The following ANKFN1 variants were observed in gnomAD, a reference collection of about 807,000 sequenced individuals.
ANKFN1 encodes the protein ankyrin repeat and fibronectin type III domain containing 1, also known as ankyrin repeat and fibronectin type-III domain-containing protein 1.
ANKFN1 carries 74 observed loss-of-function variants against 108.7 expected under a neutral mutation model. That is an observed-to-expected ratio of 0.68 (90% CI 0.56 to 0.83). The LOEUF (loss-of-function observed/expected upper bound fraction) is 0.83. Ranked by LOEUF, ANKFN1 falls within the 40% of genes least tolerant of loss-of-function variation. The pLI, the probability that ANKFN1 is intolerant of heterozygous loss-of-function variation, is 0.00. For missense variants in ANKFN1, 1,505 were observed against 1,382.3 expected (o/e 1.09, Z -1.41); for synonymous variants, 547 against 516.2 (o/e 1.06, Z -0.81).
chr17:56,124,343 A>G (rs919295912), intron 4 of ANKFN1, among the ~76,000 whole-genome samples: 2 of 152,238 alleles, frequency 1.3e-5, no homozygotes, highest in Non-Finnish European at 2.9e-5. Flanking sequence ...GGTTCAGTCC[A>G]TGTGTGATGG....
chr17:56,052,495 T>G (rs1464166610), intron 4 of ANKFN1, among the ~76,000 whole-genome samples: 1 of 152,202 alleles, frequency 6.6e-6, no homozygotes, highest in Non-Finnish European at 1.5e-5. Flanking sequence ...ATGGTAGTAT[T>G]TAAGAAAGAC....
At chr17:56,424,293 C>T (rs187508183) in intron 8 of ANKFN1, among the ~76,000 whole-genome samples, 14 of 152,276 alleles carry the variant, frequency 9.2e-5, no homozygotes, top group Non-Finnish European at 1.3e-4. Context: ...CTGCTGTTTT[C>T]GTCACTTTTG....
intron 1 of ANKFN1, among the ~76,000 whole-genome samples, chr17:56,160,054 G>T (rs925912112): frequency 1.3e-5 from 2 of 152,128 alleles, no homozygotes; most frequent in Non-Finnish European, 2.9e-5. Context: ...CTTTGTCAAG[G>T]TACAGTCTGC....
chr17:56,187,394 T>G (rs1206537119), intron 1 of ANKFN1, among the ~76,000 whole-genome samples: 4 of 152,194 alleles, frequency 2.6e-5, no homozygotes, highest in African/African-American at 9.7e-5. Flanking sequence ...AGATACCATC[T>G]CATACCAGTT....
chr17:56,494,747 C>G (rs2051145124), intron 19 of ANKFN1, among the ~76,000 whole-genome samples: 1 of 152,072 alleles, frequency 6.6e-6, no homozygotes, highest in Non-Finnish European at 1.5e-5. Flanking sequence ...CGTTTTATGA[C>G]TTAACAACCA....
chr17:56,343,185 A>G (rs1316364829), intron 4 of ANKFN1, among the ~76,000 whole-genome samples: 3 of 151,372 alleles, frequency 2.0e-5, no homozygotes, highest in African/African-American at 7.3e-5. Flanking sequence ...TTGAGTCTAT[A>G]TGTGTCATTG....
chr17:56,494,095 A>T (rs1244818953), intron 19 of ANKFN1, among the ~76,000 whole-genome samples: 1 of 152,174 alleles, frequency 6.6e-6, no homozygotes, highest in Admixed American at 6.5e-5. Flanking sequence ...TTGACATATG[A>T]ATATGTGAGA....
intron 4 of ANKFN1, among the ~76,000 whole-genome samples, chr17:56,068,383 T>G (rs1905084879): frequency 6.6e-6 from 1 of 151,708 alleles, no homozygotes; most frequent in Non-Finnish European, 1.5e-5. Flanking sequence ...AAGGAAGGAG[T>G]TGCTGGGACA....
At chr17:56,274,310 A>T (rs187835391) in intron 3 of ANKFN1, among the ~76,000 whole-genome samples, 2,954 of 152,158 alleles carry the variant, frequency 0.019, 84 homozygotes, top group African/African-American at 0.067. Flanking sequence ...CGTCTCTAGT[A>T]AAAATACAAA....
At chr17:56,204,454 T>C (rs1420076066) in intron 1 of ANKFN1, among the ~76,000 whole-genome samples, 3 of 150,670 alleles carry the variant, frequency 2.0e-5, no homozygotes, top group Non-Finnish European at 3.0e-5. Context: ...AATTCTCCTG[T>C]CTCAGCCTCC....
At chr17:56,447,986 A>G (rs964813418) in intron 10 of ANKFN1, among the ~76,000 whole-genome samples, 6 of 152,192 alleles carry the variant, frequency 3.9e-5, no homozygotes, top group Admixed American at 3.9e-4. Flanking sequence ...ATGCTTTTAT[A>G]TAACTTTAAC....
At chr17:56,161,254 G>T (rs951450555) in intron 1 of ANKFN1, among the ~76,000 whole-genome samples, 2 of 152,132 alleles carry the variant, frequency 1.3e-5, no homozygotes, top group Non-Finnish European at 2.9e-5. Flanking sequence ...TATCATTAGG[G>T]TTAACAGGAT....
chr17:56,346,070 A>T (rs1408613037), intron 4 of ANKFN1, among the ~76,000 whole-genome samples: 1 of 151,916 alleles, frequency 6.6e-6, no homozygotes, highest in African/African-American at 2.4e-5. Flanking sequence ...TTTGTATAAG[A>T]TGTGATGAAG....
chr17:56,162,939 G>A (rs888131364), intron 1 of ANKFN1, among the ~76,000 whole-genome samples: 1 of 151,870 alleles, frequency 6.6e-6, no homozygotes, highest in Non-Finnish European at 1.5e-5. Flanking sequence ...CGAAGCTGAG[G>A]CAGGAGAAGA....
intron 1 of ANKFN1, among the ~76,000 whole-genome samples, chr17:56,187,957 G>A (rs922945029): frequency 1.3e-5 from 2 of 152,110 alleles, no homozygotes; most frequent in Admixed American, 1.3e-4. Context: ...GGGAGGGCTA[G>A]CATTAGGAGA....
chr17:56,387,409 A>G (rs1455694663), intron 8 of ANKFN1, among the ~76,000 whole-genome samples: 2 of 152,324 alleles, frequency 1.3e-5, no homozygotes, highest in East Asian at 3.9e-4. Context: ...TGTTAATCCA[A>G]GAGTTTTTCA....
intron 4 of ANKFN1, among the ~76,000 whole-genome samples, chr17:56,327,269 C>T (rs1326693068): frequency 1.3e-5 from 2 of 152,146 alleles, no homozygotes; most frequent in South Asian, 2.1e-4. Context: ...CCGCCCCCAC[C>T]AGTCTCCTTA....
intron 4 of ANKFN1, among the ~76,000 whole-genome samples, chr17:56,333,038 A>G (rs982249787): frequency 1.5e-4 from 22 of 151,204 alleles, no homozygotes; most frequent in African/African-American, 5.1e-4. Flanking sequence ...TGTCATGTTC[A>G]GCATCCAGGC....
At chr17:56,466,325 T>G in intron 14 of ANKFN1, 31 bp from the exon 15 acceptor site, 1 of 1,574,510 alleles carries the variant, frequency 6.4e-7, no homozygotes, top group Non-Finnish European at 8.7e-7. Flanking sequence ...CATAATACCC[T>G]CTATGCTACC....
Sources: allele counts gnomAD v4.1 joint callset (sites outside exome capture counted in the v4.1 genomes callset), GRCh38; gene constraint gnomAD v4.1.1; transcripts MANE v1.5; gene names NCBI Gene and HGNC (gene_info 2026-07-23, HGNC 2026-07-21).